The following PPP2R3B variants were observed in gnomAD, a reference collection of about 807,000 sequenced individuals.
PPP2R3B encodes the protein protein phosphatase 2 regulatory subunit B''beta.
A neutral mutation model predicts 72.9 loss-of-function variants in PPP2R3B; 68 were observed. The observed-to-expected ratio is 0.93, with a 90% CI of 0.77 to 1.14. The LOEUF is 1.14. Ranked by LOEUF, PPP2R3B falls within the 50% of genes most tolerant of loss-of-function variation. The probability of loss-of-function intolerance (pLI) is 0.00; values close to 1 mark genes in which losing one functional copy is unlikely to be tolerated. For synonymous variants in PPP2R3B, 466 were observed against 375.8 expected (o/e 1.24, Z -2.78); for missense variants, 1,018 against 842.0 (o/e 1.21, Z -2.59).
chrX:344,839 G>A (rs28691206), intron 7 of PPP2R3B: 10,014 of 303,140 alleles, frequency 0.033, 990 homozygotes, highest in African/African-American at 0.2. Context: ...TGCAGCTCAC[G>A]TTCGGGGAAC....
Position 386,438 on chromosome X carries a change from A to G in PPP2R3B, c.254T>C (p.Leu85Pro). 7.6e-7 allele frequency: 1 copy of G among 1,316,878 alleles called. No homozygotes were observed. Among genetic ancestry groups the G allele is most frequent in the East Asian group, 2.8e-5 (1 of 35,706 alleles). 81.6% of individuals were successfully genotyped at this position (1,316,878 alleles called of 1,614,324 possible). ...GTPGPGPALPLGAASSPRNAP... is the reference protein window; with the variant it reads ...GTPGPGPALPPGAASSPRNAP... ...GTTCCTGGGGCTGGAGGCGGCGCCC[A>G]GGGGCAGCGCAGGGCCCGGCCCGGG... Residue 85 changes from leucine to proline, a missense_variant, in exon 1 of 13, where the codon CTG becomes CCG. Coordinates refer to ENST00000390665, the MANE Select transcript of PPP2R3B (RefSeq NM_013239.5).
intron 2 of PPP2R3B, 21 bp from the exon 3 acceptor site, chrX:347,714 G>A: frequency 6.6e-7 from 1 of 1,505,252 alleles, no homozygotes; most frequent in Non-Finnish European, 8.9e-7. Context: ...GAGGGCAGGA[G>A]TGGGCAGTCA....
chrX:358,827 G>T (rs867845058), intron 2 of PPP2R3B, among the ~76,000 whole-genome samples: 2 of 150,838 alleles, frequency 1.3e-5, no homozygotes, highest in South Asian at 2.1e-4. Context: ...CACCACGGTG[G>T]GGGGAGGCGC....
chrX:386,296 T>G, intron 1 of PPP2R3B, 72 bp downstream of exon 1: 1 of 1,224,340 alleles, frequency 8.2e-7, no homozygotes. Context: ...CCAGCCTCCA[T>G]CGCGCAGCCA....
chrX:347,935 C>T (rs1220024528), intron 2 of PPP2R3B: 8 of 470,160 alleles, frequency 1.7e-5, no homozygotes, highest in South Asian at 4.0e-5. Context: ...ACAGACCACG[C>T]GTGGGCACTG....
intron 12 of PPP2R3B, chrX:334,815 T>G: frequency 2.8e-6 from 1 of 355,846 alleles, no homozygotes; most frequent in East Asian, 4.6e-5. Flanking sequence ...CAAAGCGAGC[T>G]GCACGGGACC....
chrX:345,122 A>C, intron 7 of PPP2R3B: 3 of 487,386 alleles, frequency 6.2e-6, no homozygotes, highest in Non-Finnish European at 1.2e-5. Context: ...CTAGCCCGGG[A>C]TTGGATGGAA....
At position 386,412 on chromosome X, in the gene PPP2R3B, C is replaced by A. The variant is rs200495308; in HGVS notation, c.280G>T (p.Ala94Ser). The A allele has an allele frequency of 4.7e-4, 618 of 1,319,832 alleles. 3 individuals are homozygous for A. In the African/African-American group the frequency reaches 8.3e-3, roughly 18 times the overall value. The allele number at this position is 1,319,832 out of a possible 1,614,324, so 81.8% of individuals were successfully genotyped here. Residue 94 changes from alanine to serine, a missense_variant, in exon 1 of 13, where the codon GCG (alanine) becomes TCG (serine). Physicochemically the swap from Ala to Ser is moderately conservative, Grantham distance 99 (BLOSUM62 1). Transcript: ENST00000390665. ...PLGAASSPRNAPHVRGTRRSA... is the reference protein window; with the variant it reads ...PLGAASSPRNSPHVRGTRRSA... ...CTACGGGTGCCTCGAACGTGGGGCG[C>A]GTTCCTGGGGCTGGAGGCGGCGCCC...
intron 6 of PPP2R3B, among the ~76,000 whole-genome samples, 170 bp downstream of exon 6, chrX:346,004 T>G (rs1353401916): frequency 3.8e-5 from 5 of 131,716 alleles, no homozygotes; most frequent in Non-Finnish European, 6.5e-5. Context: ...GGGGTTCCAG[T>G]GCTCACAGGC....
At chrX:384,175 C>T (rs1252080166) in intron 1 of PPP2R3B, among the ~76,000 whole-genome samples, 1 of 151,858 alleles carries the variant, frequency 6.6e-6, no homozygotes, top group Non-Finnish European at 1.5e-5. Flanking sequence ...TGCAGAAACT[C>T]GTTTTTGAGA....
Position 365,269 on chromosome X carries a change from TCGAGAGGC to T in PPP2R3B, c.325-3687_325-3680del, listed in dbSNP as rs1214486281. Among the ~76,000 whole-genome samples, 23 of 25,254 alleles carry T rather than the reference TCGAGAGGC, an allele frequency of 9.1e-4. 9 individuals are homozygous for T. The highest frequency in any genetic ancestry group is 3.6e-3 in the African/African-American group (10 of 2,768). 16.6% of individuals were successfully genotyped at this position (25,254 alleles called of 152,430 possible). ...GGCGCATGCCTGTACTCCCAGCTAC[TCGAGAGGC>T]TGAGGCAGGAGAATCGCTTCAACAC... On this transcript the variant is annotated intron_variant, in intron 1 of 12. Coordinates refer to ENST00000390665, the MANE Select transcript of PPP2R3B (RefSeq NM_013239.5).
intron 1 of PPP2R3B, among the ~76,000 whole-genome samples, chrX:384,338 T>A (rs1215537822): frequency 6.7e-6 from 1 of 149,762 alleles, no homozygotes; most frequent in Non-Finnish European, 1.5e-5. Context: ...CCTCTGTTGC[T>A]CAGGCTGGTG....
At chrX:347,084 G>T in intron 4 of PPP2R3B, 150 bp downstream of exon 4, 1 of 946,500 alleles carries the variant, frequency 1.1e-6, no homozygotes. Context: ...GTAGACGCGG[G>T]CCCTCCCATG....
At chrX:370,177 C>A (rs1223303745) in intron 1 of PPP2R3B, among the ~76,000 whole-genome samples, 1 of 152,166 alleles carries the variant, frequency 6.6e-6, no homozygotes, top group Non-Finnish European at 1.5e-5. Flanking sequence ...AGATGAGAGG[C>A]CCCACGTGTG....
chrX:359,911 C>A, intron 2 of PPP2R3B: 1 of 479,582 alleles, frequency 2.1e-6, no homozygotes, highest in Non-Finnish European at 4.1e-6. Context: ...TTTGTTAGTG[C>A]TCACTTTGTA....
chrX:335,247 T>C (rs1569370819), intron 12 of PPP2R3B: 1 of 152,442 alleles, frequency 6.6e-6, no homozygotes, highest in Non-Finnish European at 1.5e-5. Context: ...GGGTGGACAC[T>C]GGTCAGGTGG....
rs371637419 is a variant in PPP2R3B, at chrX:347,707, G to A, written c.511-14C>T. 3.3e-6 allele frequency: 5 copies of A among 1,506,280 alleles called. No homozygotes were observed. Among genetic ancestry groups the A allele is most frequent in the African/African-American group, 1.4e-5 (1 of 70,590 alleles). The allele number at this position is 1,506,280 out of a possible 1,614,324, so 93.3% of individuals were successfully genotyped here. A position where few individuals can be genotyped will look rare whatever the true frequency, so the allele number is the denominator to read the frequency against. On this transcript the variant is annotated splice_polypyrimidine_tract_variant and intron_variant, in intron 2 of 12. Coordinates refer to ENST00000390665, the MANE Select transcript of PPP2R3B (RefSeq NM_013239.5). ...GCAGCCGCAGGCCTGGGGCAGAGAG[G>A]GCAGGAGTGGGCAGTCAGCAGGGCC...
intron 2 of PPP2R3B, among the ~76,000 whole-genome samples, chrX:360,495 C>T (rs1186964148): frequency 6.6e-6 from 1 of 152,236 alleles, no homozygotes; most frequent in Admixed American, 6.5e-5. Flanking sequence ...GATTACACCA[C>T]TGCACTCCAG....
chrX:344,970 C>T (rs2071165178), intron 7 of PPP2R3B: 16 of 354,390 alleles, frequency 4.5e-5, no homozygotes, highest in South Asian at 3.2e-4. Flanking sequence ...AACTCAAGCC[C>T]CACAGGCCAC....
Sources: gnomAD v4.1 joint callset for allele counts (sites outside exome capture counted in the v4.1 genomes callset) on GRCh38, gnomAD v4.1.1 for gene constraint, MANE v1.5 for transcripts, NCBI Gene and HGNC (gene_info 2026-07-23, HGNC 2026-07-21) for gene names.